CSMD1: variants seen among roughly 807,000 people sequenced by gnomAD.
The protein encoded by CSMD1 is CUB and Sushi multiple domains 1.
CSMD1 carries 213 observed loss-of-function variants against 417.5 expected under a neutral mutation model. The ratio of observed to expected loss-of-function variants is 0.51; its 90% CI spans 0.46 to 0.57. The LOEUF (loss-of-function observed/expected upper bound fraction) is 0.57, where lower values mean the gene tolerates loss of function less well. Ranked by LOEUF, CSMD1 falls within the 20% of genes least tolerant of loss-of-function variation. The probability of loss-of-function intolerance (pLI) is 0.00; values close to 1 mark genes in which losing one functional copy is unlikely to be tolerated. For missense variants in CSMD1, 6,923 were observed against 4,529.7 expected (o/e 1.53, Z -15.17); for synonymous variants, 2,862 against 1,736.8 (o/e 1.65, Z -16.11).
intron 1 of CSMD1, among the ~76,000 whole-genome samples, chr8:4,968,164 G>A (rs1810003894): frequency 6.6e-6 from 1 of 152,060 alleles, no homozygotes; most frequent in African/African-American, 2.4e-5. Context: ...CCATACTTCT[G>A]AAATAGGATA....
intron 25 of CSMD1, among the ~76,000 whole-genome samples, chr8:3,289,277 C>G (rs1479849413): frequency 6.8e-6 from 1 of 147,216 alleles, no homozygotes; most frequent in Non-Finnish European, 1.5e-5. Context: ...AATAGTGCCG[C>G]TATAAACATA....
intron 3 of CSMD1, among the ~76,000 whole-genome samples, chr8:4,349,545 GC>G (rs1320838056): frequency 6.6e-6 from 1 of 152,022 alleles, no homozygotes; most frequent in Non-Finnish European, 1.5e-5. Context: ...TCTATACCAT[GC>G]TTTTTTATAT....
Position 3,493,738 on chromosome 8 carries a change from G to C in CSMD1, c.1345-12C>G. 6.3e-7 allele frequency: 1 copy of C among 1,597,426 alleles called. No homozygotes were observed. Among genetic ancestry groups the C allele is most frequent in the Non-Finnish European group, 8.5e-7 (1 of 1,170,054 alleles). ...GCAAGCTTGATGACCTAAATACAAG[G>C]TACGAAACAGTGACTTAGAACAACA... On this transcript the variant is annotated splice_polypyrimidine_tract_variant and intron_variant, in intron 10 of 69. Transcript: ENST00000635120.
intron 2 of CSMD1, among the ~76,000 whole-genome samples, chr8:4,589,234 T>C (rs1799867190): frequency 6.6e-6 from 1 of 152,198 alleles, no homozygotes; most frequent in Admixed American, 6.5e-5. Context: ...TTTTTCTATA[T>C]TGGAAAATAA....
chr8:4,038,605 G>C (rs1039248874), intron 3 of CSMD1, among the ~76,000 whole-genome samples: 1 of 152,170 alleles, frequency 6.6e-6, no homozygotes, highest in Non-Finnish European at 1.5e-5. Context: ...TACACATGAA[G>C]AATTTAGTAA....
intron 4 of CSMD1, among the ~76,000 whole-genome samples, chr8:3,998,400 G>A (rs979998146): frequency 3.9e-5 from 6 of 152,124 alleles, no homozygotes; most frequent in African/African-American, 1.4e-4. Context: ...ACATTGATAG[G>A]CAGCCTAACA....
intron 1 of CSMD1, among the ~76,000 whole-genome samples, chr8:4,694,849 G>C (rs75651487): frequency 5.9e-5 from 9 of 151,978 alleles, no homozygotes; most frequent in East Asian, 1.9e-4. Flanking sequence ...AGATATTCTC[G>C]TTTCATAGCT....
At chr8:3,240,596 C>T (rs749446543) in intron 26 of CSMD1, among the ~76,000 whole-genome samples, 5 of 151,680 alleles carry the variant, frequency 3.3e-5, no homozygotes, top group Non-Finnish European at 7.4e-5. Flanking sequence ...GGCAGTACAG[C>T]CCGGGTAATC....
chr8:2,996,864 T>A (rs1429612616), intron 54 of CSMD1, among the ~76,000 whole-genome samples: 1 of 152,246 alleles, frequency 6.6e-6, no homozygotes, highest in Non-Finnish European at 1.5e-5. Flanking sequence ...AAGTTGTAGT[T>A]CAGGTGAAAT....
intron 10 of CSMD1, among the ~76,000 whole-genome samples, chr8:3,518,599 A>G (rs1797378410): frequency 6.6e-6 from 1 of 152,234 alleles, no homozygotes; most frequent in Non-Finnish European, 1.5e-5. Flanking sequence ...GCTTTTCAAA[A>G]TAACTCAGAA....
chr8:4,174,835 C>T (rs1180857245), intron 3 of CSMD1, among the ~76,000 whole-genome samples: 1 of 136,690 alleles, frequency 7.3e-6, no homozygotes, highest in Non-Finnish European at 1.6e-5. Flanking sequence ...AGAGAAATTA[C>T]ACCTTCGCCT....
chr8:3,171,212 G>A (rs375006851), intron 37 of CSMD1, among the ~76,000 whole-genome samples: 12 of 152,156 alleles, frequency 7.9e-5, no homozygotes, highest in Admixed American at 2.0e-4. Flanking sequence ...ATAAAGTATC[G>A]CATGACTTCC....
At chr8:4,180,293 TG>T (rs1393341870) in intron 3 of CSMD1, among the ~76,000 whole-genome samples, 1 of 151,824 alleles carries the variant, frequency 6.6e-6, no homozygotes, top group Non-Finnish European at 1.5e-5. Flanking sequence ...TGGATGACAC[TG>T]GAAATCATCA....
At chr8:4,560,411 A>T (rs1236954664) in intron 2 of CSMD1, among the ~76,000 whole-genome samples, 2 of 152,204 alleles carry the variant, frequency 1.3e-5, no homozygotes, top group African/African-American at 4.8e-5. Context: ...TTCCTACACA[A>T]AAGATCATGT....
intron 2 of CSMD1, among the ~76,000 whole-genome samples, chr8:4,618,011 G>A (rs189354545): frequency 1.4e-4 from 21 of 152,120 alleles, no homozygotes; most frequent in African/African-American, 2.4e-4. Flanking sequence ...ATTTCTCTTG[G>A]CCAGTTTTAC....
At chr8:4,608,277 G>A (rs533552678) in intron 2 of CSMD1, among the ~76,000 whole-genome samples, 3 of 152,300 alleles carry the variant, frequency 2.0e-5, no homozygotes, top group African/African-American at 4.8e-5. Context: ...AGTCTGCACC[G>A]TGGGCTAAGG....
chr8:4,850,585 C>G (rs1406146436), intron 1 of CSMD1, among the ~76,000 whole-genome samples: 6 of 151,962 alleles, frequency 3.9e-5, no homozygotes, highest in African/African-American at 1.5e-4. Context: ...AAGTAGAAAT[C>G]CTTCATCCTC....
chr8:3,093,723 G>C (rs1441475108), intron 47 of CSMD1, among the ~76,000 whole-genome samples: 2 of 151,382 alleles, frequency 1.3e-5, no homozygotes, highest in Non-Finnish European at 2.9e-5. Flanking sequence ...TGTCATGGCA[G>C]TCCTAGGAAA....
intron 5 of CSMD1, among the ~76,000 whole-genome samples, chr8:3,977,625 T>C (rs923139173): frequency 1.3e-5 from 2 of 152,198 alleles, no homozygotes; most frequent in Non-Finnish European, 2.9e-5. Flanking sequence ...AAGAAGAGCA[T>C]TGCCACTCTT....
Sources: gnomAD v4.1 joint callset for allele counts (sites outside exome capture counted in the v4.1 genomes callset) on GRCh38, gnomAD v4.1.1 for gene constraint, MANE v1.5 for transcripts, NCBI Gene and HGNC (gene_info 2026-07-23, HGNC 2026-07-21) for gene names.